NALF1: variants seen among roughly 807,000 people sequenced by gnomAD.
NALF1 encodes the protein NALCN channel auxiliary factor 1.
A neutral mutation model predicts 48.4 loss-of-function variants in NALF1; 3 were observed. The ratio of observed to expected loss-of-function variants is 0.06; its 90% confidence interval spans 0.03 to 0.16. NALF1 has a LOEUF of 0.16. NALF1 is among the 10% of genes least tolerant of loss of function. NALF1 has a pLI of 1.00. For synonymous variants in NALF1, 262 were observed against 245.7 expected (o/e 1.07, Z -0.62); for missense variants, 526 against 571.5 (o/e 0.92, Z 0.81).
intron 1 of NALF1, among the ~76,000 whole-genome samples, chr13:107,636,825 T>C (rs1879989607): frequency 6.6e-6 from 1 of 150,944 alleles, no homozygotes; most frequent in Admixed American, 6.6e-5. Flanking sequence ...ATATATGAGG[T>C]AAACCTGATC....
chr13:107,582,202 T>G (rs962457043), intron 1 of NALF1, among the ~76,000 whole-genome samples: 1 of 152,200 alleles, frequency 6.6e-6, no homozygotes, highest in Non-Finnish European at 1.5e-5. Context: ...ATAGATTCAT[T>G]TTTCAAAGTC....
chr13:107,775,461 G>A (rs1268196340), intron 1 of NALF1, among the ~76,000 whole-genome samples: 3 of 151,654 alleles, frequency 2.0e-5, no homozygotes, highest in Non-Finnish European at 4.4e-5. Flanking sequence ...ATCATTGTTG[G>A]ACATTTGGGT....
intron 1 of NALF1, among the ~76,000 whole-genome samples, chr13:107,213,896 C>G (rs915777396): frequency 6.6e-6 from 1 of 152,018 alleles, no homozygotes. Context: ...ACAGTTATCT[C>G]GTGTCTGAGA....
At chr13:107,816,771 C>T (rs1227604839) in intron 1 of NALF1, among the ~76,000 whole-genome samples, 1 of 152,068 alleles carries the variant, frequency 6.6e-6, no homozygotes, top group Non-Finnish European at 1.5e-5. Context: ...ATTAAACGTA[C>T]AACAGAATTA....
At chr13:107,244,736 C>G (rs569863182) in intron 1 of NALF1, among the ~76,000 whole-genome samples, 41 of 152,274 alleles carry the variant, frequency 2.7e-4, no homozygotes, top group African/African-American at 9.4e-4. Context: ...GAAAGGCAGT[C>G]TATGGTTGGT....
intron 1 of NALF1, among the ~76,000 whole-genome samples, chr13:107,772,885 C>T (rs1877619258): frequency 6.6e-6 from 1 of 151,966 alleles, no homozygotes; most frequent in African/African-American, 2.4e-5. Flanking sequence ...AAATCTCTAC[C>T]ATATGTGATT....
intron 1 of NALF1, among the ~76,000 whole-genome samples, chr13:107,729,171 TA>T (rs934871921): frequency 6.6e-6 from 1 of 152,188 alleles, no homozygotes; most frequent in African/African-American, 2.4e-5. Context: ...AATCTAGGGA[TA>T]TTTTTTATTT....
chr13:107,844,351 G>A (rs1401661630), intron 1 of NALF1, among the ~76,000 whole-genome samples: 1 of 151,802 alleles, frequency 6.6e-6, no homozygotes, highest in East Asian at 1.9e-4. Flanking sequence ...ATTATGTCAG[G>A]GTTCTTTTAT....
rs533456129 is a variant in NALF1, at chr13:107,790,068, A to G, written c.915+75614T>C. 2.0e-5 allele frequency among the ~76,000 whole-genome samples: 3 copies of G among 152,316 alleles called. No individual in the cohort carries two copies. The East Asian group carries it at 5.8e-4, about 29-fold the overall frequency. ...TACTGCTATCTTACAATGCAAAACC[A>G]TCAAGACTCATAGACCATAGGCTAA... On this transcript the variant is annotated intron_variant, in intron 1 of 2. Transcript: ENST00000375915.
At chr13:107,759,586 T>A (rs893494189) in intron 1 of NALF1, among the ~76,000 whole-genome samples, 3 of 152,130 alleles carry the variant, frequency 2.0e-5, no homozygotes, top group Non-Finnish European at 4.4e-5. Context: ...AGAGACAGAC[T>A]GGTTTTGTTA....
intron 1 of NALF1, among the ~76,000 whole-genome samples, chr13:107,783,275 C>CAGGG (rs1349243150): frequency 2.8e-3 from 391 of 141,008 alleles, no homozygotes; most frequent in East Asian, 4.6e-3. Context: ...GTCGCCCCGT[C>CAGGG]CGGGAGGTGA....
chr13:107,823,969 C>T (rs1879434203), intron 1 of NALF1, among the ~76,000 whole-genome samples: 1 of 136,268 alleles, frequency 7.3e-6, no homozygotes, highest in African/African-American at 2.7e-5. Flanking sequence ...TTCAATATTA[C>T]CATTGCTGTT....
At chr13:107,207,955 C>T (rs1879678615) in intron 2 of NALF1, among the ~76,000 whole-genome samples, 1 of 152,096 alleles carries the variant, frequency 6.6e-6, no homozygotes, top group South Asian at 2.1e-4. Flanking sequence ...CATCTGGCCT[C>T]AGCAGTGCAC....
intron 1 of NALF1, among the ~76,000 whole-genome samples, chr13:107,834,844 A>G (rs1879844500): frequency 6.6e-6 from 1 of 152,208 alleles, no homozygotes; most frequent in Non-Finnish European, 1.5e-5. Flanking sequence ...CCTGTGTAAC[A>G]AATTCCTCAG....
intron 1 of NALF1, among the ~76,000 whole-genome samples, chr13:107,244,562 G>A (rs1880541050): frequency 6.6e-6 from 1 of 152,078 alleles, no homozygotes. Context: ...TTTTTTTGGA[G>A]CTTCTGTGAT....
intron 1 of NALF1, among the ~76,000 whole-genome samples, chr13:107,655,168 A>T (rs1880544370): frequency 6.6e-6 from 1 of 152,038 alleles, no homozygotes; most frequent in Non-Finnish European, 1.5e-5. Context: ...ACAAGAGATA[A>T]AAATAAAGGG....
At position 107,164,709 on chromosome 13, in the gene NALF1, G is replaced by C. The variant is rs1878623538; in HGVS notation, c.*5788C>G. On this transcript the variant is annotated 3_prime_UTR_variant, in exon 3 of 3. Coordinates refer to ENST00000375915, the MANE Select transcript of NALF1 (RefSeq NM_001080396.3). ...TTAAAAGTCATCAGAGCTCACTTTA[G>C]TTCTGTAATATATGTTAAGACTTTC... The C allele has an allele frequency of 1.3e-5, 2 of 151,946 alleles. No individual in the cohort carries two copies. The highest frequency in any genetic ancestry group is 2.9e-5 in the Non-Finnish European group (2 of 68,008). 9.4% of individuals were successfully genotyped at this position (151,946 alleles called of 1,614,324 possible).
chr13:107,413,172 C>T (rs1884021660), intron 1 of NALF1, among the ~76,000 whole-genome samples: 4 of 152,012 alleles, frequency 2.6e-5, no homozygotes, highest in Middle Eastern at 3.4e-3. Context: ...GAAAAGTTGC[C>T]TTTGATTTTT....
intron 1 of NALF1, among the ~76,000 whole-genome samples, chr13:107,703,790 C>T (rs1056903720): frequency 1.3e-5 from 2 of 152,128 alleles, no homozygotes; most frequent in Non-Finnish European, 2.9e-5. Flanking sequence ...GGGAAACTCT[C>T]TTTCCTGCCC....
Sources: gnomAD v4.1 joint callset for allele counts (sites outside exome capture counted in the v4.1 genomes callset) on GRCh38, gnomAD v4.1.1 for gene constraint, MANE v1.5 for transcripts, NCBI Gene and HGNC (gene_info 2026-07-23, HGNC 2026-07-21) for gene names.